Variants in ACSM3 observed in about 807,000 individuals in gnomAD.
ACSM3 encodes acyl-coenzyme A synthetase ACSM3, mitochondrial.
Under a neutral mutation model 74.1 loss-of-function variants are expected in ACSM3, and 61 were observed. That is an observed-to-expected ratio of 0.82 (90% CI 0.67 to 1.02). ACSM3 has a LOEUF of 1.02. ACSM3 is among the 50% of genes least tolerant of loss of function. The pLI is 0.00. For missense variants in ACSM3, 660 were observed against 697.0 expected (o/e 0.95, Z 0.60); for synonymous variants, 213 against 241.5 (o/e 0.88, Z 1.09).
chr16:20,783,194 T>A (rs977646200), intron 7 of ACSM3: 1 of 152,144 alleles, frequency 6.6e-6, no homozygotes, highest in Non-Finnish European at 1.5e-5. Flanking sequence ...TCCATGGAAT[T>A]TAGAAGCTCT....
chr16:20,788,225 G>T (rs964769312), intron 9 of ACSM3, among the ~76,000 whole-genome samples: 9 of 152,170 alleles, frequency 5.9e-5, no homozygotes, highest in African/African-American at 2.2e-4. Flanking sequence ...GTTGAAGAAA[G>T]AAATATTGAT....
intron 1 of ACSM3, chr16:20,682,429 C>T: frequency 6.2e-7 from 1 of 1,613,790 alleles, no homozygotes; most frequent in Non-Finnish European, 8.5e-7. Context: ...TGTCTTTGGC[C>T]TTCAACAGGA....
At chr16:20,684,853 T>TTGTG (rs529798511) in intron 1 of ACSM3, among the ~76,000 whole-genome samples, 1 of 151,278 alleles carries the variant, frequency 6.6e-6, no homozygotes, top group Non-Finnish European at 1.5e-5. Context: ...GTATGTGTGT[T>TTGTG]TGTGTGTGTG....
intron 1 of ACSM3, chr16:20,741,476 A>AGCCGGGGGGGGGGGGGG: frequency 7.2e-7 from 1 of 1,388,838 alleles, no homozygotes; most frequent in Non-Finnish European, 9.5e-7. Context: ...AAGGCCTGGC[A>AGCCGGGGGGGGGGGGGG]GCCGGCCCGC....
rs765634803 is a variant in ACSM3 at position 20,780,973 on chromosome 16, G to C, written c.783-1G>C. ...ATCAGGGCTACTCTTTGTTTTCCCA[G>C]GTTCTGGCTAGATTTGACACCCTCA... On this transcript the variant is annotated splice_acceptor_variant, in intron 5 of 13. Transcript: ENST00000289416. LOFTEE classifies it high-confidence loss of function. 3 of 1,614,050 alleles carry C rather than the reference G, an allele frequency of 1.9e-6. No individual in the cohort carries two copies. Among genetic ancestry groups the C allele is most frequent in the Non-Finnish European group, 2.5e-6 (3 of 1,180,004 alleles).
upstream of ACSM3, among the ~76,000 whole-genome samples, chr16:20,762,921 C>T (rs776876307): frequency 2.0e-4 from 30 of 152,172 alleles, no homozygotes; most frequent in Admixed American, 9.8e-4. Flanking sequence ...CTCTAGCCTG[C>T]GCAATAAGGC....
chr16:20,736,650 C>T (rs1237042450), intron 1 of ACSM3: 1 of 494,434 alleles, frequency 2.0e-6, no homozygotes, highest in Non-Finnish European at 3.6e-6. Flanking sequence ...TCCTATCCTC[C>T]CCTCTTTGCA....
intron 1 of ACSM3, among the ~76,000 whole-genome samples, chr16:20,701,673 C>T (rs2079713206): frequency 6.6e-6 from 1 of 152,142 alleles, no homozygotes; most frequent in Non-Finnish European, 1.5e-5. Context: ...AGTGTTTATC[C>T]TAATGCTCTC....
At chr16:20,721,677 G>A (rs1202684777) in intron 1 of ACSM3, 1 of 152,086 alleles carries the variant, frequency 6.6e-6, no homozygotes. Context: ...GTAGGATTTA[G>A]AATAAATATT....
chr16:20,685,835 ACAAAAAAAAAAC>A lies in ACSM3; in HGVS notation c.-190+11014_-190+11025del, dbSNP rs750655450. On this transcript the variant is annotated intron_variant, in intron 1 of 3. Transcript: ENST00000561584. ...ACTCCGTCTCAAAAAAAAAAAACAA[ACAAAAAAAAAAC>A]AAAAAACTTATAGCATCAGGAGAGG... is the stretch of plus-strand genomic sequence containing the variant. Among the ~76,000 whole-genome samples the A allele has an allele frequency of 1.2e-3, 108 of 89,456 alleles. 7 individuals carry two copies. Among genetic ancestry groups the A allele is most frequent in the African/African-American group, 2.4e-3 (57 of 23,602 alleles). 58.7% of individuals were successfully genotyped at this position (89,456 alleles called of 152,430 possible). A position where few individuals can be genotyped will look rare whatever the true frequency, so the allele number is the denominator to read the frequency against.
chr16:20,753,906 T>C (rs1021386146), intron 2 of ACSM3, among the ~76,000 whole-genome samples: 1 of 141,172 alleles, frequency 7.1e-6, no homozygotes, highest in African/African-American at 2.6e-5. Flanking sequence ...AAGAAAAGAA[T>C]GAAAGAAAGA....
intron 1 of ACSM3, chr16:20,711,338 C>T (rs975067758): frequency 5.1e-6 from 2 of 390,096 alleles, no homozygotes; most frequent in Non-Finnish European, 4.9e-6. Flanking sequence ...TGTACAATAT[C>T]ATTGGAGAAT....
At chr16:20,702,669 GTTC>G (rs1046742312) in intron 1 of ACSM3, 2 of 151,932 alleles carry the variant, frequency 1.3e-5, no homozygotes. Flanking sequence ...GTTTGTTTTT[GTTC>G]TTATCAATTT....
In ACSM3 at chr16:20,685,825, AAAAAAACAAACAAAAAAAAAAC is replaced by A. The variant is rs1252032075; in HGVS notation, c.-190+11011_-190+11032del. ...ACACAGTGAGACTCCGTCTCAAAAA[AAAAAAACAAACAAAAAAAAAAC>A]AAAAAACTTATAGCATCAGGAGAGG... is the stretch of plus-strand genomic sequence containing the variant. On this transcript the variant is annotated intron_variant, in intron 1 of 3. Coordinates refer to the ACSM3 transcript ENST00000561584. 2.5e-4 allele frequency among the ~76,000 whole-genome samples: 30 copies of A among 119,018 alleles called. 1 individual carries two copies. The highest frequency in any genetic ancestry group is 5.2e-4 in the Non-Finnish European group (27 of 51,958). 78.1% of individuals were successfully genotyped at this position (119,018 alleles called of 152,430 possible). A position where few individuals can be genotyped will look rare whatever the true frequency, so the allele number is the denominator to read the frequency against.
At chr16:20,734,396 A>G (rs2079851648) in intron 1 of ACSM3, 1 of 152,556 alleles carries the variant, frequency 6.6e-6, no homozygotes, top group South Asian at 2.1e-4. Flanking sequence ...GTCATTAAGT[A>G]TTAACATTCT....
upstream of ACSM3, chr16:20,763,798 G>A (rs1002218270): frequency 6.6e-6 from 1 of 151,960 alleles, no homozygotes; most frequent in Non-Finnish European, 1.5e-5. Context: ...TAACCACTTC[G>A]GCAACTCCTT....
intron 13 of ACSM3, 122 bp downstream of exon 13, chr16:20,796,611 A>G: frequency 6.5e-7 from 1 of 1,537,260 alleles, no homozygotes; most frequent in Non-Finnish European, 8.7e-7. Context: ...AACTGAACTG[A>G]TGACATATGG....
At position 20,717,047 on chromosome 16, in the gene ACSM3, T is replaced by C. The variant is rs375166305; in HGVS notation, c.-189-32863T>C. On this transcript the variant is annotated intron_variant, in intron 1 of 3. Coordinates refer to the ACSM3 transcript ENST00000561584. The stretch of plus-strand genomic sequence containing the variant: ...GTAAGGTGGACTGAAAGTTGGTGAA[T>C]TCAGTGGTTCAATGAAATTAACAGG... Among the ~76,000 whole-genome samples the C allele has an allele frequency of 9.1e-4, 139 of 152,276 alleles. 4 individuals are homozygous for C. The South Asian group carries it at 0.028, about 31-fold the overall frequency.
At chr16:20,711,667 C>A in intron 1 of ACSM3, 1 of 642,044 alleles carries the variant, frequency 1.6e-6, no homozygotes, top group South Asian at 1.6e-5. Context: ...GCTCAGTTTC[C>A]AGGAGTTATT....
Sources: allele counts gnomAD v4.1 joint callset (sites outside exome capture counted in the v4.1 genomes callset), GRCh38; gene constraint gnomAD v4.1.1; transcripts MANE v1.5; gene names NCBI Gene and HGNC (gene_info 2026-07-23, HGNC 2026-07-21).